The following CCDC102B variants were observed in gnomAD, a reference collection of about 807,000 sequenced individuals.
CCDC102B encodes coiled-coil domain-containing protein 102B.
In CCDC102B, 75 loss-of-function variants were observed where a neutral mutation model predicts 57.4. The observed-to-expected ratio is 1.31, with a 90% CI of 1.08 to 1.58. The LOEUF (loss-of-function observed/expected upper bound fraction) is 1.58. Among genes scored for constraint, CCDC102B ranks in the 40% most tolerant of loss-of-function variants. CCDC102B has a pLI of 0.00. For synonymous variants in CCDC102B, 206 were observed against 201.9 expected (o/e 1.02, Z -0.17); for missense variants, 636 against 582.6 (o/e 1.09, Z -0.94).
At chr18:68,854,629 T>C (rs929272135) in intron 4 of CCDC102B, among the ~76,000 whole-genome samples, 10 of 152,194 alleles carry the variant, frequency 6.6e-5, no homozygotes, top group Non-Finnish European at 1.2e-4. Flanking sequence ...GCCTCTTTGC[T>C]TATAGGGTGT....
chr18:68,810,866 G>C (rs926138716), intron 1 of CCDC102B, among the ~76,000 whole-genome samples: 1 of 151,670 alleles, frequency 6.6e-6, no homozygotes, highest in African/African-American at 2.4e-5. Flanking sequence ...ACAGGCCCCA[G>C]TGTGTGAGTG....
chr18:68,791,669 AATGTTTTAGTAAGCT>A (rs1418975985), intron 2 of CCDC102B, among the ~76,000 whole-genome samples: 2 of 151,864 alleles, frequency 1.3e-5, no homozygotes, highest in Non-Finnish European at 1.5e-5. Context: ...TAAAGCACCT[AATGTTTTAGTAAGCT>A]AAACTTTCAA....
At chr18:68,874,996 A>G (rs2039388111) in intron 5 of CCDC102B, 5 of 358,942 alleles carry the variant, frequency 1.4e-5, no homozygotes, top group Non-Finnish European at 2.6e-5. Context: ...TATTACAAAG[A>G]TGAAATATTT....
chr18:68,911,478 C>A (rs9965101), intron 6 of CCDC102B, among the ~76,000 whole-genome samples: 7 of 150,698 alleles, frequency 4.6e-5, no homozygotes, highest in African/African-American at 1.2e-4. Context: ...AAAGGCCGGG[C>A]GCGGTGGCTC....
At chr18:68,739,753 A>G (rs9960739) in intron 2 of CCDC102B, among the ~76,000 whole-genome samples, 4,630 of 152,198 alleles carry the variant, frequency 0.03, 117 homozygotes, top group African/African-American at 0.063. Flanking sequence ...AAACCTAGAG[A>G]TTTAGCCACA....
intron 7 of CCDC102B, among the ~76,000 whole-genome samples, chr18:69,040,217 C>G (rs2052396175): frequency 6.6e-6 from 1 of 151,846 alleles, no homozygotes; most frequent in Non-Finnish European, 1.5e-5. Flanking sequence ...TTTAGGTGTG[C>G]CTGGTGGCAT....
intron 6 of CCDC102B, among the ~76,000 whole-genome samples, chr18:69,005,837 G>A (rs1350816708): frequency 6.6e-6 from 1 of 151,498 alleles, no homozygotes; most frequent in East Asian, 1.9e-4. Context: ...CACATTTTAT[G>A]TGTTTCTTTT....
At chr18:68,723,706 T>A (rs2032463938) in intron 2 of CCDC102B, among the ~76,000 whole-genome samples, 1 of 152,356 alleles carries the variant, frequency 6.6e-6, no homozygotes, top group Middle Eastern at 3.4e-3. Flanking sequence ...TCCACTCCTG[T>A]GGCTTTGCAG....
intron 6 of CCDC102B, among the ~76,000 whole-genome samples, chr18:68,989,441 C>G (rs139721270): frequency 6.6e-6 from 1 of 152,300 alleles, no homozygotes; most frequent in African/African-American, 2.4e-5. Flanking sequence ...GCTGTGATAT[C>G]TTTTTCATAT....
chr18:68,780,838 CATTA>C (rs2034983553), intron 2 of CCDC102B, among the ~76,000 whole-genome samples: 1 of 152,090 alleles, frequency 6.6e-6, no homozygotes, highest in South Asian at 2.1e-4. Context: ...ATCCTTCTGT[CATTA>C]TACAGTCTGA....
At chr18:68,905,038 G>A (rs1463396482) in intron 6 of CCDC102B, among the ~76,000 whole-genome samples, 1 of 151,408 alleles carries the variant, frequency 6.6e-6, no homozygotes, top group Non-Finnish European at 1.5e-5. Context: ...TATGTTTCCT[G>A]ATTTGTTTTC....
intron 1 of CCDC102B, among the ~76,000 whole-genome samples, chr18:68,834,460 G>A (rs1034319034): frequency 3.3e-5 from 3 of 90,640 alleles, no homozygotes; most frequent in African/African-American, 7.7e-5. Flanking sequence ...TATATTTGCT[G>A]TGTTTCTAAT....
At chr18:68,731,080 G>A (rs1034896019) in intron 2 of CCDC102B, among the ~76,000 whole-genome samples, 3 of 152,130 alleles carry the variant, frequency 2.0e-5, no homozygotes, top group East Asian at 1.9e-4. Context: ...TCTGCCTCCC[G>A]GGATCAAGCG....
chr18:68,854,670 T>TAAA (rs2038302994), intron 4 of CCDC102B, among the ~76,000 whole-genome samples: 1 of 152,188 alleles, frequency 6.6e-6, no homozygotes, highest in Non-Finnish European at 1.5e-5. Flanking sequence ...CCATCTTTTT[T>TAAA]AAATTTTTTA....
At chr18:68,834,552 G>A (rs1599536992) in intron 1 of CCDC102B, among the ~76,000 whole-genome samples, 1 of 149,514 alleles carries the variant, frequency 6.7e-6, no homozygotes, top group East Asian at 2.0e-4. Flanking sequence ...CTGAATTATA[G>A]TAAATGAAGG....
intron 7 of CCDC102B, among the ~76,000 whole-genome samples, chr18:69,018,476 G>A (rs73451790): frequency 0.032 from 4,932 of 152,182 alleles, 287 homozygotes; most frequent in African/African-American, 0.11. Flanking sequence ...ATCTTGAAAA[G>A]TGTGAGGTCA....
chr18:68,816,655 G>A lies in CCDC102B; in HGVS notation c.-16+18474G>A, dbSNP rs1016980331. On this transcript the variant is annotated intron_variant, in intron 1 of 7. Transcript: ENST00000360242. The stretch of plus-strand genomic sequence containing the variant: ...TAATTTTTCTATTTTTAGTACAGAC[G>A]GGGTTTCACCATGTTAGCCAGGATG... 5.9e-4 allele frequency among the ~76,000 whole-genome samples: 89 copies of A among 151,874 alleles called. 1 individual carries two copies. Among genetic ancestry groups the A allele is most frequent in the African/African-American group, 2.1e-3 (86 of 41,444 alleles).
chr18:68,781,327 G>A (rs1217227685), intron 2 of CCDC102B, among the ~76,000 whole-genome samples: 1 of 104,774 alleles, frequency 9.5e-6, no homozygotes, highest in Non-Finnish European at 2.0e-5. Flanking sequence ...AGAGAAGAAT[G>A]AGTGGGTGGA....
In CCDC102B at chr18:68,871,148, CAG is replaced by C. The variant is rs1485726176; in HGVS notation, c.937-3520_937-3519del. Among the ~76,000 whole-genome samples the C allele has an allele frequency of 2.6e-5, 4 of 152,064 alleles. No individual in the cohort carries two copies. In the East Asian group the frequency reaches 7.7e-4, roughly 29 times the overall value. On this transcript the variant is annotated intron_variant, in intron 4 of 7. Transcript: ENST00000360242. Reference sequence around the variant, plus strand: ...GCAGTACAAACAGAGGATTTTTAAACAGTGATTTTGGAGTTATATTATGGTAC... The same window carrying C: ...GCAGTACAAACAGAGGATTTTTAAACTGATTTTGGAGTTATATTATGGTAC...
Sources: allele counts gnomAD v4.1 joint callset (sites outside exome capture counted in the v4.1 genomes callset), GRCh38; gene constraint gnomAD v4.1.1; transcripts MANE v1.5; gene names NCBI Gene and HGNC (gene_info 2026-07-23, HGNC 2026-07-21).